CNR2: variants seen among roughly 807,000 people sequenced by gnomAD.
CNR2 encodes cannabinoid receptor 2 (macrophage).
For missense variants in CNR2, 379 were observed against 439.9 expected (o/e 0.86, Z 1.24); for synonymous variants, 172 against 182.2 (o/e 0.94, Z 0.45).
chr1:23,911,419 A>G (rs892164265), intron 1 of CNR2, among the ~76,000 whole-genome samples: 13 of 152,088 alleles, frequency 8.5e-5, no homozygotes, highest in Non-Finnish European at 5.9e-5. Flanking sequence ...AATCAAGTCC[A>G]TTTGGGCAAT....
intron 1 of CNR2, among the ~76,000 whole-genome samples, chr1:23,885,422 C>G (rs1640069886): frequency 6.6e-6 from 1 of 152,070 alleles, no homozygotes; most frequent in South Asian, 2.1e-4. Context: ...ATACCTAATG[C>G]TTTGGTCTTC....
intron 1 of CNR2, among the ~76,000 whole-genome samples, chr1:23,908,117 A>T (rs1640526875): frequency 6.8e-6 from 1 of 146,262 alleles, no homozygotes; most frequent in African/African-American, 2.5e-5. Flanking sequence ...AGTAGCTGGG[A>T]TTACAGGCAC....
chr1:23,913,074 G>T (rs1194000699), intron 1 of CNR2, among the ~76,000 whole-genome samples, 172 bp downstream of exon 1: 1 of 105,108 alleles, frequency 9.5e-6, no homozygotes, highest in Non-Finnish European at 2.0e-5. Context: ...GGCTGAGGCA[G>T]GAGAATCGCT....
chr1:23,902,244 G>A lies in CNR2; in HGVS notation c.-46+11002C>T, dbSNP rs1557533786. The stretch of plus-strand genomic sequence containing the variant: ...CTCCCGAGTGACAATGATCTCCAAC[G>A]TCTGCCGGTCCATCTCACAGAAGCC... On this transcript the variant is annotated intron_variant, in intron 1 of 1. Coordinates refer to ENST00000374472, the MANE Select transcript of CNR2 (RefSeq NM_001841.3). 5 of 1,356,094 alleles carry A rather than the reference G, an allele frequency of 3.7e-6. No individual in the cohort carries two copies. The Admixed American group carries it at 9.8e-5, about 26-fold the overall frequency. 84.0% of individuals were successfully genotyped at this position (1,356,094 alleles called of 1,614,324 possible).
At chr1:23,885,007 G>A (rs896747771) in intron 1 of CNR2, among the ~76,000 whole-genome samples, 1 of 152,000 alleles carries the variant, frequency 6.6e-6, no homozygotes, top group African/African-American at 2.4e-5. Context: ...TCACCATCTT[G>A]GCCATGCTGG....
chr1:23,879,182 T>C (rs1639937750), intron 1 of CNR2, among the ~76,000 whole-genome samples: 1 of 152,128 alleles, frequency 6.6e-6, no homozygotes, highest in African/African-American at 2.4e-5. Context: ...TAGTCCCAGC[T>C]ACTCAGGAGA....
chr1:23,899,360 T>C (rs1640342411), intron 1 of CNR2, among the ~76,000 whole-genome samples: 1 of 140,746 alleles, frequency 7.1e-6, no homozygotes, highest in Admixed American at 7.5e-5. Context: ...TCCATCTTGC[T>C]TCTAACCTCC....
intron 1 of CNR2, among the ~76,000 whole-genome samples, chr1:23,905,397 C>T (rs1488310139): frequency 6.6e-6 from 1 of 151,744 alleles, no homozygotes; most frequent in Non-Finnish European, 1.5e-5. Context: ...CCAGGCTTGT[C>T]TCAAACTCCT....
In CNR2 at chr1:23,874,466, A is replaced by G; in HGVS notation, c.*69T>C. Reference sequence around the variant, plus strand: ...GTTTAAGTAAGAAGAGAGTGCCAAGACCCCTCTCTCTCTTCCAGGGAGTGA... The same window carrying G: ...GTTTAAGTAAGAAGAGAGTGCCAAGGCCCCTCTCTCTCTTCCAGGGAGTGA... On this transcript the variant is annotated 3_prime_UTR_variant, in exon 2 of 2. Coordinates refer to ENST00000374472, the MANE Select transcript of CNR2 (RefSeq NM_001841.3). 6.7e-7 allele frequency: 1 copy of G among 1,500,322 alleles called. No individual in the cohort carries two copies. Among genetic ancestry groups the G allele is most frequent in the African/African-American group, 1.4e-5 (1 of 71,496 alleles). The allele number at this position is 1,500,322 out of a possible 1,614,324, so 92.9% of individuals were successfully genotyped here.
chr1:23,905,896 G>C (rs1240228471), intron 1 of CNR2, among the ~76,000 whole-genome samples: 2 of 152,172 alleles, frequency 1.3e-5, no homozygotes, highest in African/African-American at 4.8e-5. Flanking sequence ...CCTGGGATTT[G>C]GGATCTAGCG....
chr1:23,898,335 C>CCGATTT (rs1230917304), intron 1 of CNR2, among the ~76,000 whole-genome samples: 1 of 108,226 alleles, frequency 9.2e-6, no homozygotes, highest in Non-Finnish European at 1.8e-5. Flanking sequence ...CCGCGCCCGG[C>CCGATTT]TTTTTTTTTT....
At chr1:23,902,624 G>T in intron 1 of CNR2, 1 of 1,600,286 alleles carries the variant, frequency 6.2e-7, no homozygotes, top group Non-Finnish European at 8.5e-7. Context: ...AGACAGCCAG[G>T]ACGTACTTGT....
chr1:23,899,640 C>G (rs1366720209), intron 1 of CNR2, among the ~76,000 whole-genome samples: 1 of 149,356 alleles, frequency 6.7e-6, no homozygotes, highest in Admixed American at 6.8e-5. Context: ...CATGCTGAAA[C>G]TCCGCCTCCA....
intron 1 of CNR2, chr1:23,901,904 T>C (rs934640111): frequency 6.2e-7 from 1 of 1,606,100 alleles, no homozygotes; most frequent in African/African-American, 1.3e-5. Context: ...GGCAGAAGAC[T>C]GGAATAGGTG....
At chr1:23,885,855 G>A (rs1295991943) in intron 1 of CNR2, among the ~76,000 whole-genome samples, 2 of 145,176 alleles carry the variant, frequency 1.4e-5, no homozygotes, top group East Asian at 4.0e-4. Flanking sequence ...TGCAGCCTGG[G>A]CGACATAGCG....
intron 1 of CNR2, among the ~76,000 whole-genome samples, chr1:23,901,040 C>CT (rs34347345): frequency 0.98 from 148,890 of 152,054 alleles, 72,960 homozygotes; most frequent in East Asian, 1. Context: ...GTAACTCTTT[C>CT]TTTTTTTAAT....
intron 1 of CNR2, among the ~76,000 whole-genome samples, chr1:23,905,203 T>G (rs74548286): frequency 6.6e-6 from 1 of 151,296 alleles, no homozygotes; most frequent in African/African-American, 2.4e-5. Context: ...TTTTTTTTTT[T>G]GAGATGAGTC....
intron 1 of CNR2, among the ~76,000 whole-genome samples, chr1:23,906,841 A>C (rs1640493595): frequency 1.3e-5 from 2 of 151,580 alleles, no homozygotes; most frequent in Admixed American, 6.6e-5. Context: ...GCAGTGAGCC[A>C]TGATTGCACC....
intron 1 of CNR2, among the ~76,000 whole-genome samples, chr1:23,880,563 T>C (rs533389683): frequency 6.2e-4 from 95 of 152,012 alleles, no homozygotes; most frequent in African/African-American, 2.3e-3. Flanking sequence ...AAATGTATTA[T>C]TTTTAGTTTT....
Sources: gnomAD v4.1 joint callset for allele counts (sites outside exome capture counted in the v4.1 genomes callset) on GRCh38, gnomAD v4.1.1 for gene constraint, MANE v1.5 for transcripts, NCBI Gene and HGNC (gene_info 2026-07-23, HGNC 2026-07-21) for gene names.